Variants in PHF20 observed in about 807,000 individuals in gnomAD.
The protein encoded by PHF20 is glioma-expressed antigen 2.
Under a neutral mutation model 113.5 loss-of-function variants are expected in PHF20, and 23 were observed. The ratio of observed to expected loss-of-function variants is 0.20; its 90% CI spans 0.15 to 0.29. The LOEUF (loss-of-function observed/expected upper bound fraction) is 0.29, where lower values mean the gene tolerates loss of function less well. PHF20 is among the 10% of genes least tolerant of loss of function. The pLI is 1.00. For synonymous variants in PHF20, 434 were observed against 457.3 expected, an observed-to-expected ratio of 0.95 and a Z score of 0.65; for missense variants, 943 against 1,219.6, an observed-to-expected ratio of 0.77 and a Z score of 3.38.
intron 10 of PHF20, among the ~76,000 whole-genome samples, chr20:35,904,244 TA>T (rs945498123): frequency 6.6e-5 from 10 of 150,840 alleles, no homozygotes; most frequent in Non-Finnish European, 1.5e-4. Flanking sequence ...ATAGTAACTG[TA>T]AAAAAGTACC....
rs542129363 is a variant in PHF20, at chr20:35,822,752, C to T, written c.84-19821C>T. On this transcript the variant is annotated intron_variant, in intron 2 of 17. Coordinates refer to ENST00000374012, the MANE Select transcript of PHF20 (RefSeq NM_016436.5). ...ACTTGGGAGGCTGAGGTGGGAGGATCGCATGAGCCCAGGAGTTTGAGGCTA... is the reference window on the plus strand; with the variant it reads ...ACTTGGGAGGCTGAGGTGGGAGGATTGCATGAGCCCAGGAGTTTGAGGCTA... 5.5e-5 allele frequency among the ~76,000 whole-genome samples: 8 copies of T among 145,884 alleles called. No homozygotes were observed. The South Asian group carries it at 1.5e-3, about 28-fold the overall frequency.
chr20:35,893,656 C>T (rs2054920523), intron 9 of PHF20, among the ~76,000 whole-genome samples: 1 of 151,600 alleles, frequency 6.6e-6, no homozygotes, highest in South Asian at 2.1e-4. Flanking sequence ...CTCTTGTTGC[C>T]CAGGCTGCAG....
rs750189544 is a variant in PHF20 at position 35,855,229 on chromosome 20, C to T, written c.341-3073C>T. 1.1e-5 allele frequency: 14 copies of T among 1,318,534 alleles called. No homozygotes were observed. The South Asian group carries it at 1.6e-4, about 15-fold the overall frequency. The allele number at this position is 1,318,534 out of a possible 1,614,324, so 81.7% of individuals were successfully genotyped here. A position where few individuals can be genotyped will look rare whatever the true frequency, so the allele number is the denominator to read the frequency against. ...AATTCCATAGCATTGTTTATCATAA[C>T]TGCTTTGCTTGCCAACACCCTGACA... On this transcript the variant is annotated intron_variant, in intron 4 of 17. Coordinates refer to ENST00000374012, the MANE Select transcript of PHF20 (RefSeq NM_016436.5).
intron 6 of PHF20, among the ~76,000 whole-genome samples, chr20:35,864,284 A>G (rs1245871103): frequency 1.3e-5 from 2 of 152,158 alleles, no homozygotes; most frequent in African/African-American, 4.8e-5. Flanking sequence ...AATACAAAAC[A>G]TGAAGGCTGA....
At chr20:35,844,081 C>T (rs564893967) in intron 3 of PHF20, among the ~76,000 whole-genome samples, 41 of 151,858 alleles carry the variant, frequency 2.7e-4, no homozygotes, top group Non-Finnish European at 5.3e-4. Context: ...GGAGCGGGCT[C>T]AAGCAAGTAG....
Position 35,863,332 on chromosome 20 carries a change from A to G in PHF20, c.740A>G (p.Lys247Arg). 2 of 1,612,696 alleles carry G rather than the reference A, an allele frequency of 1.2e-6. No individual in the cohort carries two copies. The highest frequency in any genetic ancestry group is 2.2e-5 in the South Asian group (2 of 90,788). Residue 247 changes from lysine to arginine, a missense_variant, in exon 6 of 18, where the codon AAG (lysine) becomes AGG (arginine). Around this residue, in one of 3 missense-constraint regions of PHF20, gnomAD observed 592 missense variants for 787.2 expected, o/e 0.75. Coordinates refer to ENST00000374012, the MANE Select transcript of PHF20 (RefSeq NM_016436.5). ...AAGAAACCTGAAAATGACATTGTGAAGAGTCCACAAGAAAACTTGAGGGAA... is the reference window on the plus strand; with the variant it reads ...AAGAAACCTGAAAATGACATTGTGAGGAGTCCACAAGAAAACTTGAGGGAA... ...VDKKPENDIV[K>R]SPQENLREPK...
chr20:35,796,370 A>G (rs2041667318), intron 1 of PHF20, among the ~76,000 whole-genome samples: 1 of 152,192 alleles, frequency 6.6e-6, no homozygotes, highest in Admixed American at 6.6e-5. Context: ...CAGTTTGCCC[A>G]GAATCTTATG....
intron 13 of PHF20, among the ~76,000 whole-genome samples, chr20:35,918,551 G>A (rs2055449452): frequency 6.6e-6 from 1 of 152,140 alleles, no homozygotes; most frequent in African/African-American, 2.4e-5. Flanking sequence ...AATGCAAAAT[G>A]GCCACCTTTG....
At chr20:35,860,148 C>A (rs1416000937) in intron 5 of PHF20, among the ~76,000 whole-genome samples, 2 of 151,906 alleles carry the variant, frequency 1.3e-5, no homozygotes, top group Non-Finnish European at 2.9e-5. Flanking sequence ...AACTCCTGAC[C>A]TCAAGTGATC....
chr20:35,805,452 G>T (rs1336509147), intron 2 of PHF20, among the ~76,000 whole-genome samples: 1 of 150,266 alleles, frequency 6.7e-6, no homozygotes, highest in Non-Finnish European at 1.5e-5. Context: ...GCGCAATCTC[G>T]GCTCACTGCA....
Position 35,940,881 on chromosome 20 carries a change from CA to C in PHF20, c.2735del (p.Lys912ArgfsTer21). ...ATCCCCAGGTGAAGGAATATGTCTC[CA>C]AAAAGGCCCTACCAGAAGAAGCCCC... ...GSPKVKEYVS[K>X]KALPEEAPAR... On this transcript the variant is annotated frameshift_variant, in exon 17 of 18. Transcript: ENST00000374012. LOFTEE classifies it high-confidence loss of function. 1 of 1,613,264 alleles carries C rather than the reference CA, an allele frequency of 6.2e-7. No homozygotes were observed. Among genetic ancestry groups the C allele is most frequent in the Non-Finnish European group, 8.5e-7 (1 of 1,179,694 alleles).
chr20:35,869,674 A>C (rs2054383432), intron 7 of PHF20, 123 bp downstream of exon 7: 2 of 691,580 alleles, frequency 2.9e-6, no homozygotes, highest in African/African-American at 1.8e-5. Context: ...ACATGAGGTA[A>C]TGTGAGTTGG....
chr20:35,835,301 G>C (rs2042421553), intron 2 of PHF20, among the ~76,000 whole-genome samples: 1 of 152,024 alleles, frequency 6.6e-6, no homozygotes, highest in Non-Finnish European at 1.5e-5. Flanking sequence ...TAGGAAACTT[G>C]ATCAGACTAG....
chr20:35,930,099 A>T (rs766591089), intron 14 of PHF20, among the ~76,000 whole-genome samples: 19 of 152,214 alleles, frequency 1.2e-4, no homozygotes, highest in Non-Finnish European at 2.6e-4. Context: ...AACAAATAGG[A>T]TGGCTGAAGC....
intron 4 of PHF20, chr20:35,850,848 C>T (rs527913844): frequency 1.7e-6 from 2 of 1,165,780 alleles, no homozygotes; most frequent in South Asian, 1.2e-5. Flanking sequence ...GTGGCTCTGC[C>T]TTGCCATTGT....
intron 13 of PHF20, among the ~76,000 whole-genome samples, chr20:35,925,137 A>G (rs2147103149): frequency 6.6e-6 from 1 of 151,538 alleles, no homozygotes; most frequent in African/African-American, 2.4e-5. Context: ...CCTTTATAAT[A>G]TTTTTAAAAT....
At chr20:35,909,320 G>C (rs186980614) in intron 10 of PHF20, among the ~76,000 whole-genome samples, 57 of 151,810 alleles carry the variant, frequency 3.8e-4, no homozygotes, top group Admixed American at 1.5e-3. Flanking sequence ...GCTCTGTGAG[G>C]GACAGGGGGT....
At chr20:35,878,451 C>T in intron 9 of PHF20, 1 of 534,112 alleles carries the variant, frequency 1.9e-6, no homozygotes, top group Non-Finnish European at 3.3e-6. Flanking sequence ...TTTAAGCAAT[C>T]ACTATGTCGA....
intron 1 of PHF20, among the ~76,000 whole-genome samples, chr20:35,787,068 T>C (rs1253370001): frequency 2.7e-5 from 4 of 150,890 alleles, no homozygotes; most frequent in Non-Finnish European, 4.4e-5. Flanking sequence ...CATAGTTCAC[T>C]GCAGCCTTGA....
Sources: allele counts gnomAD v4.1 joint callset (sites outside exome capture counted in the v4.1 genomes callset), GRCh38; gene constraint gnomAD v4.1.1; regional missense constraint gnomAD v4.1.1; transcripts MANE v1.5; gene names NCBI Gene and HGNC (gene_info 2026-07-23, HGNC 2026-07-21).